The following ATXN1 variants were observed in gnomAD, a reference collection of about 807,000 sequenced individuals.
ATXN1 encodes the protein ataxin 1.
In ATXN1, 8 loss-of-function variants were observed where a neutral mutation model predicts 56.4. The ratio of observed to expected loss-of-function variants is 0.14; its 90% confidence interval spans 0.08 to 0.26. The LOEUF (loss-of-function observed/expected upper bound fraction) is 0.26. ATXN1 is among the 10% of genes least tolerant of loss of function. The pLI is 1.00. For missense variants in ATXN1, 987 were observed against 1,106.5 expected (o/e 0.89, Z 1.53); for synonymous variants, 514 against 494.6 (o/e 1.04, Z -0.52).
At chr6:16,629,852 G>A (rs1032897059) in intron 3 of ATXN1, among the ~76,000 whole-genome samples, 7 of 151,228 alleles carry the variant, frequency 4.6e-5, no homozygotes, top group Non-Finnish European at 8.8e-5. Context: ...AGGAGGCAGA[G>A]GTTGCAGTGA....
chr6:16,493,749 T>C (rs2113665657), intron 5 of ATXN1, among the ~76,000 whole-genome samples: 1 of 152,308 alleles, frequency 6.6e-6, no homozygotes, highest in African/African-American at 2.4e-5. Context: ...CTGTCCTCCA[T>C]GGAAGAGGAC....
rs934347192 is a variant in ATXN1, at chr6:16,328,438, G to A, written c.-128C>T. The A allele has an allele frequency of 9.7e-6, 13 of 1,333,758 alleles. No individual in the cohort carries two copies. The highest frequency in any genetic ancestry group is 3.3e-5 in the Admixed American group (1 of 30,222). The allele number at this position is 1,333,758 out of a possible 1,614,324, so 82.6% of individuals were successfully genotyped here. A position where few individuals can be genotyped will look rare whatever the true frequency, so the allele number is the denominator to read the frequency against. On this transcript the variant is annotated 5_prime_UTR_variant, in exon 7 of 8. It adds an upstream start codon to the 5' untranslated region. Transcript: ENST00000436367. The surrounding 1 kb of genome is among the most constrained non-coding windows in gnomAD (Gnocchi z 6.2). ...GCTCTTCATGAGGAATCATCTCCCC[G>A]TGGGTACAATCCGCCAACAGCAGCT...
At chr6:16,497,582 G>A (rs985765013) in intron 5 of ATXN1, among the ~76,000 whole-genome samples, 5 of 152,182 alleles carry the variant, frequency 3.3e-5, no homozygotes, top group African/African-American at 4.8e-5. Context: ...TGCAGGAATC[G>A]CCTGTGCCTG....
At chr6:16,726,329 C>G (rs758972279) in intron 2 of ATXN1, among the ~76,000 whole-genome samples, 2 of 138,454 alleles carry the variant, frequency 1.4e-5, no homozygotes, top group African/African-American at 2.7e-5. Context: ...TGCAGTGAGT[C>G]AAGATTGCAT....
chr6:16,692,370 T>TATA (rs1561810666), intron 2 of ATXN1, among the ~76,000 whole-genome samples: 4 of 152,222 alleles, frequency 2.6e-5, no homozygotes. Context: ...ATTAACTATA[T>TATA]GGCAAGTAAT....
intron 6 of ATXN1, among the ~76,000 whole-genome samples, chr6:16,442,151 G>A (rs1200551136): frequency 6.6e-6 from 1 of 152,176 alleles, no homozygotes; most frequent in Non-Finnish European, 1.5e-5. Context: ...CAAGAGCCAG[G>A]CTTCATGCTA....
intron 2 of ATXN1, among the ~76,000 whole-genome samples, chr6:16,660,207 C>T (rs1471987565): frequency 6.6e-6 from 1 of 152,190 alleles, no homozygotes; most frequent in Admixed American, 6.5e-5. Context: ...AACAAACTGG[C>T]TTGGGTTTAA....
chr6:16,700,386 T>TG (rs1485209089), intron 2 of ATXN1, among the ~76,000 whole-genome samples: 1 of 152,168 alleles, frequency 6.6e-6, no homozygotes, highest in Non-Finnish European at 1.5e-5. Flanking sequence ...GTGCATATCT[T>TG]GCTGTGCTCT....
chr6:16,428,068 G>A (rs1194999519), intron 6 of ATXN1, among the ~76,000 whole-genome samples: 4 of 150,992 alleles, frequency 2.6e-5, no homozygotes, highest in African/African-American at 9.7e-5. Flanking sequence ...AAATATGGTT[G>A]CAAGGCTTTC....
intron 6 of ATXN1, among the ~76,000 whole-genome samples, chr6:16,428,813 C>A (rs1759214364): frequency 2.0e-5 from 3 of 152,116 alleles, no homozygotes; most frequent in African/African-American, 7.2e-5. Context: ...TTTCTCCTAA[C>A]CATAAATAAT....
chr6:16,745,607 C>A (rs1760504919), intron 2 of ATXN1, among the ~76,000 whole-genome samples: 1 of 152,156 alleles, frequency 6.6e-6, no homozygotes, highest in African/African-American at 2.4e-5. Context: ...AAGGTTTGGG[C>A]AATACATGTT....
At chr6:16,619,723 C>A (rs139597632) in intron 3 of ATXN1, among the ~76,000 whole-genome samples, 199 of 152,048 alleles carry the variant, frequency 1.3e-3, no homozygotes, top group African/African-American at 3.3e-3. Context: ...TGGGGCATGC[C>A]CTGGAGTCAG....
At chr6:16,720,645 T>C (rs1759727717) in intron 2 of ATXN1, among the ~76,000 whole-genome samples, 1 of 152,244 alleles carries the variant, frequency 6.6e-6, no homozygotes, top group African/African-American at 2.4e-5. Flanking sequence ...CTCTCTCCAA[T>C]GCTCTTCTAT....
At chr6:16,609,706 A>G (rs919207728) in intron 3 of ATXN1, among the ~76,000 whole-genome samples, 2 of 152,236 alleles carry the variant, frequency 1.3e-5, no homozygotes, top group African/African-American at 4.8e-5. Flanking sequence ...AGCAGACCCA[A>G]AACTGGCAAC....
intron 4 of ATXN1, among the ~76,000 whole-genome samples, chr6:16,534,766 G>C (rs1761566440): frequency 6.6e-6 from 1 of 152,122 alleles, no homozygotes; most frequent in African/African-American, 2.4e-5. Flanking sequence ...ATATTTAAGA[G>C]ACTATCTGTT....
intron 6 of ATXN1, among the ~76,000 whole-genome samples, chr6:16,391,221 C>G (rs1457962720): frequency 6.8e-6 from 1 of 146,740 alleles, no homozygotes; most frequent in Non-Finnish European, 1.5e-5. Flanking sequence ...AAACACTATT[C>G]AGATGAAAAC....
chr6:16,603,003 T>C (rs1331407808), intron 3 of ATXN1, among the ~76,000 whole-genome samples: 1 of 152,192 alleles, frequency 6.6e-6, no homozygotes, highest in Non-Finnish European at 1.5e-5. Context: ...GATTGGCCCA[T>C]TGCAATGTTA....
chr6:16,379,635 T>C (rs1350637857), intron 6 of ATXN1, among the ~76,000 whole-genome samples: 2 of 152,190 alleles, frequency 1.3e-5, no homozygotes, highest in Non-Finnish European at 2.9e-5. Flanking sequence ...AACCAGGTAC[T>C]GCACTAGGTA....
chr6:16,567,924 T>A (rs1037128858), intron 4 of ATXN1, among the ~76,000 whole-genome samples: 2 of 151,902 alleles, frequency 1.3e-5, no homozygotes, highest in Non-Finnish European at 2.9e-5. Flanking sequence ...AGGACCTTTA[T>A]GTTAACTAAA....
Sources: gnomAD v4.1 joint callset for allele counts (sites outside exome capture counted in the v4.1 genomes callset) on GRCh38, gnomAD v4.1.1 for gene constraint, Gnocchi (gnomAD v3.1) non-coding constraint, MANE v1.5 for transcripts, NCBI Gene and HGNC (gene_info 2026-07-23, HGNC 2026-07-21) for gene names.